The following CNTLN variants were observed in gnomAD, a reference collection of about 807,000 sequenced individuals.
The protein encoded by CNTLN is centlein, centrosomal protein.
Under a neutral mutation model 180.0 loss-of-function variants are expected in CNTLN, and 212 were observed. That is an observed-to-expected ratio of 1.18 (90% CI 1.05 to 1.32). CNTLN has a LOEUF of 1.32. Among genes scored for constraint, CNTLN ranks in the 40% most tolerant of loss-of-function variants. The probability of loss-of-function intolerance (pLI) is 0.00; values close to 1 mark genes in which losing one functional copy is unlikely to be tolerated. For missense variants in CNTLN, 2,095 were observed against 1,610.9 expected (o/e 1.30, Z -5.14); for synonymous variants, 722 against 563.1 (o/e 1.28, Z -3.99).
chr9:17,456,020 G>A (rs892066082), intron 18 of CNTLN, among the ~76,000 whole-genome samples: 4 of 152,150 alleles, frequency 2.6e-5, no homozygotes, highest in African/African-American at 4.8e-5. Context: ...GGTAGGGAAA[G>A]GTTGACGGGA....
chr9:17,423,569 T>C (rs901913153), intron 18 of CNTLN, among the ~76,000 whole-genome samples: 1 of 152,182 alleles, frequency 6.6e-6, no homozygotes, highest in African/African-American at 2.4e-5. Context: ...CAGTGGGTTA[T>C]GTGCACTTCA....
At chr9:17,210,318 G>GT (rs762484465) in intron 2 of CNTLN, among the ~76,000 whole-genome samples, 12 of 152,242 alleles carry the variant, frequency 7.9e-5, no homozygotes, top group East Asian at 1.9e-4. Flanking sequence ...GCGGTGTTTG[G>GT]TTTTTTGTCC....
At chr9:17,184,584 A>G (rs906110126) in intron 2 of CNTLN, among the ~76,000 whole-genome samples, 2 of 152,280 alleles carry the variant, frequency 1.3e-5, no homozygotes, top group Non-Finnish European at 2.9e-5. Flanking sequence ...TATGAATTGT[A>G]TTGGGGGAGA....
At chr9:17,224,362 TTTTA>T (rs373617879) in intron 2 of CNTLN, among the ~76,000 whole-genome samples, 11 of 152,142 alleles carry the variant, frequency 7.2e-5, no homozygotes, top group African/African-American at 1.7e-4. Context: ...TAGATGTGAC[TTTTA>T]TTTATTCTGG....
chr9:17,507,818 A>G (rs1044732387), downstream of CNTLN, among the ~76,000 whole-genome samples: 1 of 152,132 alleles, frequency 6.6e-6, no homozygotes, highest in African/African-American at 2.4e-5. Context: ...TCCAATCCTC[A>G]GTTTCCTTCT....
chr9:17,370,353 A>C (rs377419886), intron 13 of CNTLN, among the ~76,000 whole-genome samples: 1 of 152,224 alleles, frequency 6.6e-6, no homozygotes, highest in Non-Finnish European at 1.5e-5. Flanking sequence ...ATATGCTGGC[A>C]GCAGACTTTT....
chr9:17,389,827 A>G (rs757042883), intron 14 of CNTLN, among the ~76,000 whole-genome samples: 3 of 152,198 alleles, frequency 2.0e-5, no homozygotes, highest in Non-Finnish European at 4.4e-5. Context: ...TATATATATT[A>G]AGAGTCCTAA....
At chr9:17,468,060 A>G (rs1240190130) in intron 23 of CNTLN, among the ~76,000 whole-genome samples, 3 of 151,726 alleles carry the variant, frequency 2.0e-5, no homozygotes, top group East Asian at 3.8e-4. Flanking sequence ...CTACACAGCC[A>G]TAGAAAAGAA....
intron 8 of CNTLN, among the ~76,000 whole-genome samples, chr9:17,318,073 G>A (rs1819650057): frequency 6.6e-6 from 1 of 150,686 alleles, no homozygotes; most frequent in Admixed American, 6.6e-5. Flanking sequence ...TGTCGCCCAG[G>A]CTGGAGTCCA....
chr9:17,294,417 G>A (rs1254492132), intron 6 of CNTLN, among the ~76,000 whole-genome samples: 1 of 113,212 alleles, frequency 8.8e-6, no homozygotes, highest in African/African-American at 4.4e-5. Context: ...AGACACAAAA[G>A]TTCTCCAAGT....
chr9:17,224,766 C>A (rs58609969), intron 2 of CNTLN, among the ~76,000 whole-genome samples: 1 of 151,872 alleles, frequency 6.6e-6, no homozygotes, highest in African/African-American at 2.4e-5. Flanking sequence ...ATTCTTTTGT[C>A]TTTACGGACC....
At chr9:17,270,410 A>T (rs1396351293) in intron 5 of CNTLN, among the ~76,000 whole-genome samples, 1 of 152,144 alleles carries the variant, frequency 6.6e-6, no homozygotes, top group East Asian at 1.9e-4. Context: ...GTGGTAAATT[A>T]TATTAACAGA....
At chr9:17,499,975 A>G (rs975429036) in intron 25 of CNTLN, among the ~76,000 whole-genome samples, 2 of 152,176 alleles carry the variant, frequency 1.3e-5, no homozygotes, top group Non-Finnish European at 2.9e-5. Flanking sequence ...TAAATCTCAC[A>G]CTAGTAAGAT....
At chr9:17,381,694 C>G (rs1257711515) in intron 13 of CNTLN, among the ~76,000 whole-genome samples, 1 of 152,172 alleles carries the variant, frequency 6.6e-6, no homozygotes, top group Non-Finnish European at 1.5e-5. Flanking sequence ...CACTAGCATG[C>G]AGTAATAAAC....
chr9:17,433,538 G>A (rs539354934), intron 18 of CNTLN, among the ~76,000 whole-genome samples: 75 of 152,018 alleles, frequency 4.9e-4, no homozygotes, highest in Non-Finnish European at 8.7e-4. Context: ...CACCCACCTC[G>A]GCCTCCCAAA....
intron 1 of CNTLN, among the ~76,000 whole-genome samples, chr9:17,142,756 G>T (rs1015357596): frequency 6.6e-6 from 1 of 152,086 alleles, no homozygotes; most frequent in African/African-American, 2.4e-5. Context: ...TTTTTTAAAA[G>T]CTCCTCAAAA....
At chr9:17,462,328 C>T (rs578109957) in intron 19 of CNTLN, among the ~76,000 whole-genome samples, 1 of 151,858 alleles carries the variant, frequency 6.6e-6, no homozygotes, top group African/African-American at 2.4e-5. Flanking sequence ...CCACATGATA[C>T]ATCAACTGTA....
chr9:17,394,400 T>C (rs1474147767), intron 14 of CNTLN, 134 bp from the exon 15 acceptor site: 12 of 733,964 alleles, frequency 1.6e-5, no homozygotes, highest in Non-Finnish European at 2.3e-5. Flanking sequence ...CTTAGAATTA[T>C]CTAGAAATTA....
At chr9:17,341,062 A>G in intron 11 of CNTLN, 114 bp downstream of exon 11, 1 of 929,452 alleles carries the variant, frequency 1.1e-6, no homozygotes, top group Non-Finnish European at 1.5e-6. Flanking sequence ...TTGGTAGTCA[A>G]ATCTTTATTG....
Sources: allele counts gnomAD v4.1 joint callset (sites outside exome capture counted in the v4.1 genomes callset), GRCh38; gene constraint gnomAD v4.1.1; transcripts MANE v1.5; gene names NCBI Gene and HGNC (gene_info 2026-07-23, HGNC 2026-07-21).